Variants in ZFP30 observed in about 807,000 individuals in gnomAD.
ZFP30 encodes the protein ZFP30 zinc finger protein.
In ZFP30, 16 loss-of-function variants were observed where a neutral mutation model predicts 12.3. That is an observed-to-expected ratio of 1.30 (90% CI 0.88 to 1.98). ZFP30 has a LOEUF of 1.98. Ranked by LOEUF, ZFP30 falls within the 30% of genes most tolerant of loss-of-function variation. The pLI, the probability that ZFP30 is intolerant of heterozygous loss-of-function variation, is 0.00. For missense variants in ZFP30, 560 were observed against 611.2 expected, an observed-to-expected ratio of 0.92 and a Z score of 0.88; for synonymous variants, 172 against 201.0, an observed-to-expected ratio of 0.86 and a Z score of 1.22.
rs2044293757 is a variant in ZFP30, at chr19:37,635,133, C to A, written c.1408G>T (p.Glu470Ter). The A allele has an allele frequency of 1.2e-6, 2 of 1,613,172 alleles. No homozygotes were observed. Among genetic ancestry groups the A allele is most frequent in the Non-Finnish European group, 1.7e-6 (2 of 1,179,582 alleles). ...HTGEKPYDCK[E>*]CGKAFRLHSS... The stretch of plus-strand genomic sequence containing the variant: ...TGAAGTCTAAAGGCCTTTCCACATT[C>A]CTTACAGTCATAGGGCTTTTCACCA... Residue 470 changes from glutamate (E) to a stop codon, truncating the protein, a stop_gained, in exon 6 of 6, where the codon GAA becomes TAA. Coordinates refer to ENST00000684514, the MANE Select transcript of ZFP30 (RefSeq NM_001320669.3). LOFTEE classifies it high-confidence loss of function.
rs2044235494 is a variant in ZFP30, at chr19:37,631,680, T to TGAA, written c.*3300_*3301insTTC. ...ATTCCATTCTTAATACATAGAAAGCTAAAAAAAAAAAAAAAAAAAAGACAA... is the reference window on the plus strand; with the variant it reads ...ATTCCATTCTTAATACATAGAAAGCTGAAAAAAAAAAAAAAAAAAAAAAGACAA... On this transcript the variant is annotated 3_prime_UTR_variant, in exon 6 of 6. Transcript: ENST00000684514. The TGAA allele has an allele frequency of 9.0e-6, 1 of 111,378 alleles. No homozygotes were observed. The allele number at this position is 111,378 out of a possible 1,614,324, so 6.9% of individuals were successfully genotyped here.
chr19:37,638,410 T>C (rs1190305863), intron 5 of ZFP30, among the ~76,000 whole-genome samples: 2 of 152,256 alleles, frequency 1.3e-5, no homozygotes, highest in Non-Finnish European at 2.9e-5. Flanking sequence ...CTAGTAAAAT[T>C]CTGAGCAAAG....
chr19:37,656,015 G>C (rs542833461), upstream of ZFP30: 3 of 152,564 alleles, frequency 2.0e-5, no homozygotes, highest in East Asian at 5.8e-4. Context: ...CGTGACCCTG[G>C]CGTGAGTTGG....
intron 5 of ZFP30, among the ~76,000 whole-genome samples, chr19:37,638,941 AT>A (rs1225631267): frequency 6.6e-6 from 1 of 152,196 alleles, no homozygotes; most frequent in East Asian, 1.9e-4. Context: ...AATTATCTGT[AT>A]ATTTTTGTAT....
At position 37,636,446 on chromosome 19, in the gene ZFP30, A is replaced by T. The variant is rs1599610168; in HGVS notation, c.236-141T>A. 3 of 874,306 alleles carry T rather than the reference A, an allele frequency of 3.4e-6. No individual in the cohort carries two copies. The East Asian group carries it at 8.6e-5, about 25-fold the overall frequency. 54.2% of individuals were successfully genotyped at this position (874,306 alleles called of 1,614,324 possible). On this transcript the variant is annotated intron_variant, in intron 5 of 5. Coordinates refer to ENST00000684514, the MANE Select transcript of ZFP30 (RefSeq NM_001320669.3). ...TGAAGTAAATGGGCTCAAAATCTCTAAAATAGGTAATTTAAAAGAAGCTAA... is the reference window on the plus strand; with the variant it reads ...TGAAGTAAATGGGCTCAAAATCTCTTAAATAGGTAATTTAAAAGAAGCTAA...
intron 5 of ZFP30, among the ~76,000 whole-genome samples, chr19:37,636,738 G>A (rs1458820061): frequency 1.3e-5 from 2 of 150,794 alleles, no homozygotes; most frequent in East Asian, 1.9e-4. Context: ...TTTTCGAGAC[G>A]GAGTCTCTGT....
Position 37,635,646 on chromosome 19 carries a change from CAT to C in ZFP30, c.893_894del (p.Tyr298Ter). On this transcript the variant is annotated frameshift_variant, in exon 6 of 6. Transcript: ENST00000684514. LOFTEE classifies it low-confidence loss of function (END_TRUNC). The part of the protein sequence containing the change: ...HQRLNIAEKC[Y>X]ECKECGQAFL... The stretch of plus-strand genomic sequence containing the variant: ...AAGGCCTGACCACATTCCTTACACT[CAT>C]AGCACTTCTCAGCAATGTTCAGTCT... 6.2e-7 allele frequency: 1 copy of C among 1,614,104 alleles called. No homozygotes were observed. Among genetic ancestry groups the C allele is most frequent in the South Asian group, 1.1e-5 (1 of 91,072 alleles).
chr19:37,640,120 GA>G (rs1267398622), intron 5 of ZFP30, among the ~76,000 whole-genome samples: 1 of 152,158 alleles, frequency 6.6e-6, no homozygotes, highest in Non-Finnish European at 1.5e-5. Flanking sequence ...GCATGGGTGA[GA>G]AAATAGTAAA....
chr19:37,636,385 G>GA, intron 5 of ZFP30, 80 bp from the exon 6 acceptor site: 3 of 1,022,550 alleles, frequency 2.9e-6, no homozygotes, highest in African/African-American at 2.0e-5. Flanking sequence ...AGAAATCGGT[G>GA]ACCAAAAAAA....
At chr19:37,642,888 T>C (rs1021965394) in intron 5 of ZFP30, among the ~76,000 whole-genome samples, 1 of 151,658 alleles carries the variant, frequency 6.6e-6, no homozygotes, top group Non-Finnish European at 1.5e-5. Flanking sequence ...CCGTCTCTAC[T>C]AAAAATTCAA....
rs752892545 is a variant in ZFP30, at chr19:37,647,810, T to C, written c.9+4A>G. ...TTCCAAAGTAGAGAGAAATTCCAAC[T>C]TACACGAGCCATGATTTTAGAACTG... On this transcript the variant is annotated splice_donor_region_variant and intron_variant, in intron 3 of 5. Transcript: ENST00000684514. 6.2e-7 allele frequency: 1 copy of C among 1,614,112 alleles called. No homozygotes were observed. Among genetic ancestry groups the C allele is most frequent in the South Asian group, 1.1e-5 (1 of 91,086 alleles).
rs73621533 is a variant in ZFP30 at position 37,646,661 on chromosome 19, G to A, written c.9+1153C>T. ...ATTGATTACAGCTCACTGCAGCCTC[G>A]AACTCCTGGGTTCAAGCAATTCTCC... On this transcript the variant is annotated intron_variant, in intron 3 of 5. Coordinates refer to ENST00000684514, the MANE Select transcript of ZFP30 (RefSeq NM_001320669.3). 6.0e-3 allele frequency among the ~76,000 whole-genome samples: 910 copies of A among 152,228 alleles called. 10 individuals carry two copies. The highest frequency in any genetic ancestry group is 0.021 in the African/African-American group (858 of 41,522).
In ZFP30 at chr19:37,635,614, A is replaced by G. The variant is rs371871124; in HGVS notation, c.927T>C (p.Cys309=). Residue 309 remains cysteine (C), a synonymous_variant, in exon 6 of 6, where the codon TGT becomes TGC. Coordinates refer to ENST00000684514, the MANE Select transcript of ZFP30 (RefSeq NM_001320669.3). The part of the protein sequence containing the change: ...ECKECGQAFL[C]STGLRLHHKL... The stretch of plus-strand genomic sequence containing the variant: ...TGTGATGTAGTCGAAGGCCTGTACT[A>G]CACAGAAAGGCCTGACCACATTCCT... 1.9e-6 allele frequency: 3 copies of G among 1,614,082 alleles called. No individual in the cohort carries two copies. Among genetic ancestry groups the G allele is most frequent in the South Asian group, 2.2e-5 (2 of 91,072 alleles).
rs2044263482 is a variant in ZFP30, at chr19:37,633,245, G to A, written c.*1736C>T. 1 of 151,822 alleles carries A rather than the reference G, an allele frequency of 6.6e-6. No homozygotes were observed. The highest frequency in any genetic ancestry group is 2.4e-5 in the African/African-American group (1 of 41,316). 9.4% of individuals were successfully genotyped at this position (151,822 alleles called of 1,614,324 possible). On this transcript the variant is annotated 3_prime_UTR_variant, in exon 6 of 6. Transcript: ENST00000684514. ...TAGAGAGGTCAACTAAATAAAATGT[G>A]GACCTACATTTTAACTTCCTGAATA... is the stretch of plus-strand genomic sequence containing the variant.
rs1450102227 is a variant in ZFP30, at chr19:37,635,593, A to G, written c.948T>C (p.His316=). The change falls in exon 6 of 6, where the codon CAT becomes CAC. Residue 316 remains histidine, a synonymous_variant. Transcript: ENST00000684514. ...GTTTTTCTCCAGTATGAAGTTTGTGATGTAGTCGAAGGCCTGTACTACACA... is the reference window on the plus strand; with the variant it reads ...GTTTTTCTCCAGTATGAAGTTTGTGGTGTAGTCGAAGGCCTGTACTACACA... The part of the protein sequence containing the change: ...AFLCSTGLRL[H]HKLHTGEKPY... 1.5e-5 allele frequency: 24 copies of G among 1,614,142 alleles called. No homozygotes were observed. The highest frequency in any genetic ancestry group is 1.9e-5 in the Non-Finnish European group (23 of 1,180,030).
At position 37,636,290 on chromosome 19, in the gene ZFP30, T is replaced by G. The variant is rs747323290; in HGVS notation, c.251A>C (p.Tyr84Ser). The change falls in exon 6 of 6, where the codon TAT (tyrosine) becomes TCT (serine). Residue 84 changes from tyrosine (Y) to serine (S), a missense_variant. By Grantham distance (144) the Tyr-to-Ser change is moderately radical. Coordinates refer to ENST00000684514, the MANE Select transcript of ZFP30 (RefSeq NM_001320669.3). ...RRWTLDLESR[Y>S]DTKKLFQGKD... ...TCCTTGAAATAACTTTTTAGTGTCA[T>G]ATCTGGATTCCAAATCTGAAAGAAA... is the stretch of plus-strand genomic sequence containing the variant. 6.3e-7 allele frequency: 1 copy of G among 1,582,998 alleles called. No homozygotes were observed. Among genetic ancestry groups the G allele is most frequent in the Non-Finnish European group, 8.6e-7 (1 of 1,167,320 alleles).
chr19:37,636,394 AAAAAAAAAAGAAAAAG>A (rs1310995812), intron 5 of ZFP30, 89 bp from the exon 6 acceptor site: 4 of 1,337,052 alleles, frequency 3.0e-6, no homozygotes, highest in Non-Finnish European at 3.9e-6. Flanking sequence ...TGACCAAAAA[AAAAAAAAAAGAAAAAG>A]AAAGCCCAAT....
At position 37,631,163 on chromosome 19, in the gene ZFP30, C is replaced by T. The variant is rs573595524; in HGVS notation, c.*3818G>A. 2 of 152,290 alleles carry T rather than the reference C, an allele frequency of 1.3e-5. No individual in the cohort carries two copies. Among genetic ancestry groups the T allele is most frequent in the South Asian group, 2.1e-4 (1 of 4,826 alleles). The allele number at this position is 152,290 out of a possible 1,614,324, so 9.4% of individuals were successfully genotyped here. ...CCTGACATGAGGTCCGAACTTTCCA[C>T]CTTTGCTGTCACCTGTTTTGGTTAC... On this transcript the variant is annotated 3_prime_UTR_variant, in exon 6 of 6. Transcript: ENST00000684514.
At chr19:37,645,709 A>T (rs929705566) in intron 3 of ZFP30, among the ~76,000 whole-genome samples, 1 of 151,504 alleles carries the variant, frequency 6.6e-6, no homozygotes, top group African/African-American at 2.4e-5. Context: ...GACCTAAAAA[A>T]TTCTCAATAA....
Sources: allele counts gnomAD v4.1 joint callset (sites outside exome capture counted in the v4.1 genomes callset), GRCh38; gene constraint gnomAD v4.1.1; transcripts MANE v1.5; gene names NCBI Gene and HGNC (gene_info 2026-07-23, HGNC 2026-07-21).